SEC62: variants seen among roughly 807,000 people sequenced by gnomAD.
SEC62 encodes SEC62 preprotein translocation factor.
In SEC62, 10 loss-of-function variants were observed where a neutral mutation model predicts 47.5. The observed-to-expected ratio is 0.21, with a 90% CI of 0.13 to 0.36. SEC62 has a LOEUF of 0.36. SEC62 is among the 10% of genes least tolerant of loss of function. The pLI is 1.00. For missense variants in SEC62, 327 were observed against 464.1 expected, an observed-to-expected ratio of 0.70 and a Z score of 2.71; for synonymous variants, 136 against 150.5, an observed-to-expected ratio of 0.90 and a Z score of 0.71.
At chr3:169,991,430 T>G (rs1051888868) in intron 7 of SEC62, among the ~76,000 whole-genome samples, 5 of 151,528 alleles carry the variant, frequency 3.3e-5, no homozygotes, top group South Asian at 2.1e-4. Context: ...GGAGGATAGA[T>G]AGAGAGAGAG....
intron 7 of SEC62, among the ~76,000 whole-genome samples, chr3:169,992,000 G>A (rs1231543715): frequency 3.3e-5 from 5 of 152,108 alleles, no homozygotes; most frequent in African/African-American, 1.2e-4. Context: ...TGGAGTAAGT[G>A]CCTTACAAAG....
intron 1 of SEC62, among the ~76,000 whole-genome samples, chr3:169,968,148 A>G (rs921112637): frequency 3.3e-5 from 5 of 152,228 alleles, no homozygotes; most frequent in Non-Finnish European, 7.3e-5. Flanking sequence ...TAATCTTTCA[A>G]GAGTTAGTGT....
chr3:169,985,088 G>A (rs1715070810), intron 5 of SEC62: 1 of 152,002 alleles, frequency 6.6e-6, no homozygotes, highest in Admixed American at 6.6e-5. Context: ...AGAGAAAAGT[G>A]TGGAGTTGAG....
At position 169,989,227 on chromosome 3, in the gene SEC62, A is replaced by G. The variant is rs116064463; in HGVS notation, c.730+868A>G. On this transcript the variant is annotated intron_variant, in intron 7 of 7. Coordinates refer to ENST00000337002, the MANE Select transcript of SEC62 (RefSeq NM_003262.4). Reference sequence around the variant, plus strand: ...TCCTGCCTCAGCCTCCCAAGTAGCTAGGAGTACTGGTGCATTTCATCATGC... The same window carrying G: ...TCCTGCCTCAGCCTCCCAAGTAGCTGGGAGTACTGGTGCATTTCATCATGC... Among the ~76,000 whole-genome samples the G allele has an allele frequency of 1.0e-3, 154 of 147,944 alleles. 1 individual carries two copies. The highest frequency in any genetic ancestry group is 1.9e-3 in the Non-Finnish European group (126 of 67,248).
intron 7 of SEC62, among the ~76,000 whole-genome samples, chr3:169,990,652 GA>G (rs1368497972): frequency 1.3e-5 from 2 of 151,874 alleles, no homozygotes; most frequent in African/African-American, 2.4e-5. Context: ...CATAATTGGA[GA>G]AAAAAATGTA....
intron 6 of SEC62, among the ~76,000 whole-genome samples, chr3:169,986,842 C>G (rs968934657): frequency 1.3e-5 from 2 of 152,072 alleles, no homozygotes; most frequent in African/African-American, 4.8e-5. Context: ...TCTCCCACAT[C>G]AGCCTACTGA....
intron 1 of SEC62, among the ~76,000 whole-genome samples, chr3:169,971,213 AGTGTGT>A (rs1041929579): frequency 5.3e-5 from 8 of 152,024 alleles, no homozygotes; most frequent in African/African-American, 1.9e-4. Flanking sequence ...TGGGACTACA[AGTGTGT>A]GCACCACCTC....
chr3:169,988,846 C>G (rs1373194303), intron 7 of SEC62, among the ~76,000 whole-genome samples: 2 of 151,970 alleles, frequency 1.3e-5, no homozygotes, highest in Non-Finnish European at 2.9e-5. Context: ...AGTGGTAGAT[C>G]ATTTATTAGA....
chr3:169,984,946 A>G (rs573739778), intron 5 of SEC62, among the ~76,000 whole-genome samples: 1 of 152,278 alleles, frequency 6.6e-6, no homozygotes, highest in East Asian at 1.9e-4. Context: ...GATAAAAGTA[A>G]ATTAAGTTTT....
intron 7 of SEC62, among the ~76,000 whole-genome samples, chr3:169,991,751 A>G (rs995299407): frequency 6.6e-6 from 1 of 152,202 alleles, no homozygotes; most frequent in Non-Finnish European, 1.5e-5. Context: ...ACTTTCTAAT[A>G]CTGGGGTTCC....
Position 169,997,917 on chromosome 3 carries a change from T to G in SEC62, c.*4854T>G, listed in dbSNP as rs1342719406. 4.6e-5 allele frequency: 7 copies of G among 152,236 alleles called. No individual in the cohort carries two copies. Among genetic ancestry groups the G allele is most frequent in the Non-Finnish European group, 2.9e-5 (2 of 68,034 alleles). The allele number at this position is 152,236 out of a possible 1,614,324, so 9.4% of individuals were successfully genotyped here. On this transcript the variant is annotated 3_prime_UTR_variant, in exon 8 of 8. Transcript: ENST00000337002. ...ATCTACGAGTGGATGTAATAACTGCTATGATGTTGAAGTAGCATAAAACAT... is the reference window on the plus strand; with the variant it reads ...ATCTACGAGTGGATGTAATAACTGCGATGATGTTGAAGTAGCATAAAACAT...
chr3:169,978,412 G>A (rs942827277), intron 3 of SEC62: 2 of 152,094 alleles, frequency 1.3e-5, no homozygotes, highest in African/African-American at 2.4e-5. Flanking sequence ...ATAAAAAGGT[G>A]AATAGAATTA....
At chr3:169,978,445 G>C (rs1576858511) in intron 3 of SEC62, 1 of 152,178 alleles carries the variant, frequency 6.6e-6, no homozygotes, top group East Asian at 1.9e-4. Flanking sequence ...AAACTTCCAG[G>C]CTGGGCACAG....
chr3:169,987,101 G>A (rs188153626), intron 6 of SEC62, among the ~76,000 whole-genome samples: 1 of 151,966 alleles, frequency 6.6e-6, no homozygotes, highest in South Asian at 2.1e-4. Context: ...AAATAAGCTT[G>A]GTCAATATGG....
intron 3 of SEC62, among the ~76,000 whole-genome samples, chr3:169,979,979 T>TAA (rs1714932206): frequency 6.6e-6 from 1 of 151,666 alleles, no homozygotes; most frequent in African/African-American, 2.4e-5. Context: ...TTGTTAAATC[T>TAA]GAAAAAAAAA....
chr3:169,968,168 G>A (rs2108277913), intron 1 of SEC62, among the ~76,000 whole-genome samples: 1 of 152,284 alleles, frequency 6.6e-6, no homozygotes, highest in South Asian at 2.1e-4. Flanking sequence ...TTATTCCTCT[G>A]ACGTGGGTAT....
At position 169,995,812 on chromosome 3, in the gene SEC62, T is replaced by C. The variant is rs1313594151; in HGVS notation, c.*2749T>C. On this transcript the variant is annotated 3_prime_UTR_variant, in exon 8 of 8. Transcript: ENST00000337002. ...TCATCAAGCAGTCAACATGTAAATT[T>C]CTGTTGTAAAGACACCTTATTTAAT... 1 of 152,214 alleles carries C rather than the reference T, an allele frequency of 6.6e-6. No individual in the cohort carries two copies. Among genetic ancestry groups the C allele is most frequent in the Non-Finnish European group, 1.5e-5 (1 of 68,038 alleles). The allele number at this position is 152,214 out of a possible 1,614,324, so 9.4% of individuals were successfully genotyped here. A position where few individuals can be genotyped will look rare whatever the true frequency, so the allele number is the denominator to read the frequency against.
intron 7 of SEC62, among the ~76,000 whole-genome samples, chr3:169,988,935 A>T (rs1715170692): frequency 6.6e-6 from 1 of 152,184 alleles, no homozygotes; most frequent in African/African-American, 2.4e-5. Context: ...CATATATTTA[A>T]TAAATGATTC....
chr3:169,992,928 C>G lies in SEC62; in HGVS notation c.1065C>G (p.His355Gln), dbSNP rs1268396120. ...GGAGGGAAGATGATCGATCCCAGCA[C>G]AGTAGTGGAAATGGAAATGATTTTG... ...SDRREDDRSQHSSGNGNDFEM... is the reference protein window; with the variant it reads ...SDRREDDRSQQSSGNGNDFEM... Residue 355 changes from histidine to glutamine, a missense_variant, in exon 8 of 8, where the codon CAC (histidine) becomes CAG (glutamine). His to Gln is a conservative substitution (Grantham distance 24). Around this residue, in one of 3 missense-constraint regions of SEC62, gnomAD observed 102 missense variants for 108.8 expected, o/e 0.94. Transcript: ENST00000337002. This position sits in a 1 kb window ranked among gnomAD's most constrained non-coding sequence, Gnocchi z 4.0. 6 of 1,613,522 alleles carry G rather than the reference C, an allele frequency of 3.7e-6. No individual in the cohort carries two copies. In the South Asian group the frequency reaches 6.6e-5, roughly 18 times the overall value.
Sources: allele counts gnomAD v4.1 joint callset (sites outside exome capture counted in the v4.1 genomes callset), GRCh38; gene constraint gnomAD v4.1.1; regional missense constraint gnomAD v4.1.1; non-coding constraint Gnocchi (gnomAD v3.1); transcripts MANE v1.5; gene names NCBI Gene and HGNC (gene_info 2026-07-23, HGNC 2026-07-21).